The following STARD9 variants were observed in gnomAD, a reference collection of about 807,000 sequenced individuals.
STARD9 encodes stAR-related lipid transfer protein 9.
In STARD9, 346 loss-of-function variants were observed where a neutral mutation model predicts 399.8. The observed-to-expected ratio is 0.87, with a 90% CI of 0.79 to 0.95. The LOEUF is 0.95. Ranked by LOEUF, STARD9 falls within the 40% of genes least tolerant of loss-of-function variation. The pLI is 0.00. For synonymous variants in STARD9, 2,203 were observed against 2,143.5 expected (o/e 1.03, Z -0.77); for missense variants, 5,832 against 5,667.5 (o/e 1.03, Z -0.93).
Position 42,638,769 on chromosome 15 carries a change from C to G in STARD9, c.516C>G (p.Thr172=), listed in dbSNP as rs1191481038. The G allele has an allele frequency of 6.5e-7, 1 of 1,536,242 alleles. No individual in the cohort carries two copies. Among genetic ancestry groups the G allele is most frequent in the African/African-American group, 1.4e-5 (1 of 72,982 alleles). ...LKQSGQKKSY[T]LRVREHPEMG... is the part of the protein sequence containing the mutation. ...AATCTGGTCAAAAAAAGTCCTATAC[C>G]CTGCGGGTCAGGGAGCATCCAGAGA... Residue 172 remains threonine (T), a synonymous_variant, in exon 7 of 33, where the codon ACC becomes ACG. Transcript: ENST00000290607.
At chr15:42,608,957 C>T (rs767584882) in intron 3 of STARD9, among the ~76,000 whole-genome samples, 4 of 152,112 alleles carry the variant, frequency 2.6e-5, no homozygotes, top group Non-Finnish European at 5.9e-5. Context: ...ATGCACTGTG[C>T]GTTGTTGCTG....
chr15:42,649,165 G>A (rs1024124941), intron 7 of STARD9, among the ~76,000 whole-genome samples: 4 of 152,096 alleles, frequency 2.6e-5, no homozygotes, highest in African/African-American at 7.2e-5. Flanking sequence ...GAGTAGCTGG[G>A]ATTACAGTCG....
At chr15:42,584,984 G>T (rs2058246725) in intron 2 of STARD9, among the ~76,000 whole-genome samples, 1 of 152,074 alleles carries the variant, frequency 6.6e-6, no homozygotes. Context: ...TTCATGTGAT[G>T]GGTTGCAGCC....
At chr15:42,610,482 C>G (rs1314788173) in intron 3 of STARD9, among the ~76,000 whole-genome samples, 1 of 152,222 alleles carries the variant, frequency 6.6e-6, no homozygotes, top group Non-Finnish European at 1.5e-5. Context: ...CAGAAATAAA[C>G]TTCATTGTTT....
At chr15:42,632,891 C>A (rs1342783499) in intron 3 of STARD9, among the ~76,000 whole-genome samples, 3 of 151,934 alleles carry the variant, frequency 2.0e-5, no homozygotes, top group Non-Finnish European at 4.4e-5. Context: ...ACCTGTAATC[C>A]CAGCACTTTG....
rs747690473 is a variant in STARD9 at position 42,674,931 on chromosome 15, C to T, written c.1654C>T (p.Arg552Trp). The T allele has an allele frequency of 1.9e-5, 29 of 1,536,456 alleles. No homozygotes were observed. The highest frequency in any genetic ancestry group is 2.4e-5 in the Non-Finnish European group (27 of 1,146,636). Reference sequence around the variant, plus strand: ...TGGGGCCCGCTGTACAGTCAATGGCCGGGAGGTCACTGCCTCCTGCCGTCT... The same window carrying T: ...TGGGGCCCGCTGTACAGTCAATGGCTGGGAGGTCACTGCCTCCTGCCGTCT... ...ARGARCTVNG[R>W]EVTASCRLTQ... is the part of the protein sequence containing the mutation. Residue 552 changes from arginine (R) to tryptophan (W), a missense_variant, in exon 18 of 33, where the codon CGG (arginine) becomes TGG (tryptophan). Coordinates refer to ENST00000290607, the MANE Select transcript of STARD9 (RefSeq NM_020759.3).
intron 3 of STARD9, among the ~76,000 whole-genome samples, chr15:42,611,129 C>T (rs1329347947): frequency 6.6e-6 from 1 of 152,144 alleles, no homozygotes; most frequent in Non-Finnish European, 1.5e-5. Flanking sequence ...TACAGCAGGG[C>T]TTGGCAAACT....
intron 3 of STARD9, among the ~76,000 whole-genome samples, chr15:42,622,081 C>T (rs1459023490): frequency 3.3e-5 from 5 of 151,976 alleles, no homozygotes; most frequent in Admixed American, 1.3e-4. Flanking sequence ...GAAAATAATT[C>T]ATTCTTGCTT....
Position 42,692,281 on chromosome 15 carries a change from A to AC in STARD9, c.10708dup (p.His3570ProfsTer7), listed in dbSNP as rs1427339381. On this transcript the variant is annotated frameshift_variant, in exon 23 of 33. Coordinates refer to ENST00000290607, the MANE Select transcript of STARD9 (RefSeq NM_020759.3). LOFTEE classifies it high-confidence loss of function. The stretch of plus-strand genomic sequence containing the variant: ...GGGAGTTCTTCAATTGCCTTAGGAG[A>AC]CCCCCACATCCCGACGAGCCCTGAA... 3.9e-6 allele frequency: 6 copies of AC among 1,536,224 alleles called. No homozygotes were observed. Among genetic ancestry groups the AC allele is most frequent in the African/African-American group, 2.7e-5 (2 of 72,800 alleles).
At chr15:42,651,797 T>A (rs979430522) in intron 8 of STARD9, among the ~76,000 whole-genome samples, 1 of 152,214 alleles carries the variant, frequency 6.6e-6, no homozygotes, top group African/African-American at 2.4e-5. Context: ...CAGGGTACCC[T>A]GAGCTCCATG....
At chr15:42,665,064 A>G (rs1299925683) in intron 13 of STARD9, among the ~76,000 whole-genome samples, 189 bp from the exon 14 acceptor site, 1 of 152,078 alleles carries the variant, frequency 6.6e-6, no homozygotes, top group Non-Finnish European at 1.5e-5. Flanking sequence ...GGTGGGCCAA[A>G]CTGTGCGTTT....
intron 26 of STARD9, among the ~76,000 whole-genome samples, chr15:42,709,654 C>T (rs1378602597): frequency 6.6e-6 from 1 of 152,186 alleles, no homozygotes; most frequent in Admixed American, 6.5e-5. Context: ...CACTGCACTC[C>T]AGCCTGGGTG....
chr15:42,689,851 A>C lies in STARD9; in HGVS notation c.8273A>C (p.His2758Pro), dbSNP rs571769868. Residue 2758 changes from histidine to proline, a missense_variant, in exon 23 of 33, where the codon CAT (histidine) becomes CCT (proline). Physicochemically the swap from His to Pro is moderately conservative, Grantham distance 77. Coordinates refer to ENST00000290607, the MANE Select transcript of STARD9 (RefSeq NM_020759.3). Reference protein sequence around the residue: ...APYDDPRVTLHELSQSVPQET... With the variant: ...APYDDPRVTLPELSQSVPQET... Reference sequence around the variant, plus strand: ...TATGATGATCCTAGAGTGACTCTGCATGAGCTAAGTCAGTCAGTTCCGCAG... The same window carrying C: ...TATGATGATCCTAGAGTGACTCTGCCTGAGCTAAGTCAGTCAGTTCCGCAG... 6.5e-7 allele frequency: 1 copy of C among 1,537,228 alleles called. No homozygotes were observed. The highest frequency in any genetic ancestry group is 8.7e-7 in the Non-Finnish European group (1 of 1,146,924).
intron 9 of STARD9, among the ~76,000 whole-genome samples, chr15:42,659,237 G>A (rs963070243): frequency 2.6e-5 from 4 of 152,128 alleles, no homozygotes; most frequent in African/African-American, 7.2e-5. Flanking sequence ...TCTAAACACC[G>A]TAAGAAAACA....
chr15:42,615,760 C>A (rs1388350036), intron 3 of STARD9, among the ~76,000 whole-genome samples: 1 of 151,022 alleles, frequency 6.6e-6, no homozygotes, highest in Non-Finnish European at 1.5e-5. Context: ...AGCATGAATG[C>A]TGTCTCAATT....
At chr15:42,697,302 T>A (rs2060865765) in intron 26 of STARD9, among the ~76,000 whole-genome samples, 1 of 152,302 alleles carries the variant, frequency 6.6e-6, no homozygotes, top group African/African-American at 2.4e-5. Flanking sequence ...GATTTTGCCA[T>A]GTTGCCCAGG....
chr15:42,690,223 C>G lies in STARD9; in HGVS notation c.8645C>G (p.Ser2882Cys), dbSNP rs975331599. 6.4e-5 allele frequency: 99 copies of G among 1,537,472 alleles called. No homozygotes were observed. The highest frequency in any genetic ancestry group is 8.5e-5 in the Non-Finnish European group (98 of 1,146,980). The change falls in exon 23 of 33, where the codon TCT becomes TGT. Residue 2882 changes from serine (S) to cysteine (C), a missense_variant. Ser to Cys is a moderately radical substitution (Grantham distance 112, BLOSUM62 -1). Around this residue, in one of 2 missense-constraint regions of STARD9, gnomAD observed 5,828 missense variants for 5,651.1 expected, o/e 1.03. Coordinates refer to ENST00000290607, the MANE Select transcript of STARD9 (RefSeq NM_020759.3). ...QCVQCKESVG[S>C]GLTEVCRAGS... ...GTGCAGTGTAAGGAGAGTGTTGGGT[C>G]TGGGTTGACAGAAGTCTGCAGGGCT...
intron 1 of STARD9, among the ~76,000 whole-genome samples, chr15:42,579,388 G>A (rs2058122826): frequency 6.6e-6 from 1 of 152,186 alleles, no homozygotes; most frequent in Non-Finnish European, 1.5e-5. Context: ...ACTGGAAGAT[G>A]TTTAATTAAA....
chr15:42,686,245 G>A lies in STARD9; in HGVS notation c.4667G>A (p.Arg1556His), dbSNP rs567259695. The change falls in exon 23 of 33, where the codon CGT becomes CAT. Residue 1556 changes from arginine to histidine, a missense_variant. By Grantham distance (29) the Arg-to-His change is conservative (BLOSUM62 0). This residue lies in a region of STARD9 where 5,828 missense variants were observed against 5,651.1 expected (regional missense o/e 1.03). Transcript: ENST00000290607. ...NFPVHLSRIR[R>H]LRAEKEQDSL... ...CCAGTCCATCTGTCCAGAATCAGGC[G>A]TTTGAGGGCAGAGAAAGAACAGGAC... is the stretch of plus-strand genomic sequence containing the variant. 47 of 1,537,742 alleles carry A rather than the reference G, an allele frequency of 3.1e-5. No homozygotes were observed. Among genetic ancestry groups the A allele is most frequent in the Middle Eastern group, 1.7e-4 (1 of 5,994 alleles).
Sources: gnomAD v4.1 joint callset for allele counts (sites outside exome capture counted in the v4.1 genomes callset) on GRCh38, gnomAD v4.1.1 for gene constraint, gnomAD v4.1.1 regional missense constraint, MANE v1.5 for transcripts, NCBI Gene and HGNC (gene_info 2026-07-23, HGNC 2026-07-21) for gene names.